The following RPH3A variants were observed in gnomAD, a reference collection of about 807,000 sequenced individuals.
The protein encoded by RPH3A is rabphilin 3A.
In RPH3A, 48 loss-of-function variants were observed where a neutral mutation model predicts 102.2. That is an observed-to-expected ratio of 0.47 (90% CI 0.37 to 0.60). The LOEUF is 0.60. Ranked by LOEUF, RPH3A falls within the 20% of genes least tolerant of loss-of-function variation. The probability of loss-of-function intolerance (pLI) is 0.00; values close to 1 mark genes in which losing one functional copy is unlikely to be tolerated. For synonymous variants in RPH3A, 310 were observed against 324.3 expected (o/e 0.96, Z 0.47); for missense variants, 781 against 910.1 (o/e 0.86, Z 1.83).
intron 1 of RPH3A, among the ~76,000 whole-genome samples, chr12:112,770,247 A>G (rs2040918577): frequency 6.6e-6 from 1 of 152,194 alleles, no homozygotes; most frequent in Admixed American, 6.5e-5. Context: ...TCAGGCAGAC[A>G]CTGAGAAATG....
intron 2 of RPH3A, among the ~76,000 whole-genome samples, chr12:112,806,586 G>A (rs554691335): frequency 2.6e-5 from 4 of 151,892 alleles, no homozygotes; most frequent in South Asian, 2.1e-4. Flanking sequence ...TCGAGATCAC[G>A]CCACTGCACT....
chr12:112,668,427 A>T (rs1241969395), intron 1 of RPH3A, among the ~76,000 whole-genome samples: 1 of 152,206 alleles, frequency 6.6e-6, no homozygotes, highest in African/African-American at 2.4e-5. Context: ...GGCATCAATG[A>T]TAAACTGGGT....
chr12:112,657,192 G>A (rs1345700613), intron 1 of RPH3A, among the ~76,000 whole-genome samples: 11 of 152,070 alleles, frequency 7.2e-5, no homozygotes, highest in Admixed American at 7.2e-4. Context: ...CTGATGATTA[G>A]TGATGTTGAG....
chr12:112,874,926 T>A, intron 10 of RPH3A, 158 bp from the exon 11 acceptor site: 1 of 593,718 alleles, frequency 1.7e-6, no homozygotes, highest in Non-Finnish European at 3.0e-6. Context: ...AAGAACACAC[T>A]GAAGGCAGAA....
chr12:112,840,714 G>A (rs569596728), intron 4 of RPH3A, among the ~76,000 whole-genome samples: 26 of 152,262 alleles, frequency 1.7e-4, no homozygotes, highest in East Asian at 1.9e-4. Flanking sequence ...CAGTAAAGGC[G>A]TGTAGGTTCT....
At chr12:112,683,786 A>G (rs548070731) in intron 1 of RPH3A, among the ~76,000 whole-genome samples, 1 of 152,208 alleles carries the variant, frequency 6.6e-6, no homozygotes, top group African/African-American at 2.4e-5. Context: ...ATCTTGCCAT[A>G]CTGGAGAAAG....
chr12:112,700,868 C>T (rs189286818), intron 1 of RPH3A, among the ~76,000 whole-genome samples: 1 of 152,184 alleles, frequency 6.6e-6, no homozygotes, highest in Non-Finnish European at 1.5e-5. Flanking sequence ...TATCCATTCT[C>T]ATGTCCCAAC....
At chr12:112,808,208 AG>A (rs2041505662) in intron 2 of RPH3A, among the ~76,000 whole-genome samples, 1 of 152,198 alleles carries the variant, frequency 6.6e-6, no homozygotes, top group South Asian at 2.1e-4. Context: ...AGGATGGGGC[AG>A]GGAAGGTGTG....
intron 1 of RPH3A, among the ~76,000 whole-genome samples, chr12:112,614,190 G>C (rs1329212638): frequency 6.6e-6 from 1 of 152,154 alleles, no homozygotes; most frequent in Admixed American, 6.5e-5. Context: ...AACTGTAAGA[G>C]AATAAATTTG....
intron 1 of RPH3A, among the ~76,000 whole-genome samples, chr12:112,705,063 C>G (rs904074291): frequency 2.0e-5 from 3 of 152,156 alleles, no homozygotes; most frequent in Non-Finnish European, 4.4e-5. Context: ...GTGAAACTAT[C>G]TTTTCATTTC....
intron 3 of RPH3A, chr12:112,831,772 G>A (rs1213833313): frequency 2.4e-5 from 11 of 455,680 alleles, no homozygotes; most frequent in Middle Eastern, 3.2e-4. Flanking sequence ...GGACTTTGAA[G>A]GATTGGTTGT....
At chr12:112,819,135 T>C (rs1197503982) in intron 2 of RPH3A, among the ~76,000 whole-genome samples, 1 of 152,066 alleles carries the variant, frequency 6.6e-6, no homozygotes, top group African/African-American at 2.4e-5. Context: ...AGATGGACTC[T>C]CACTCTGTCA....
chr12:112,847,578 T>C (rs371755697), intron 4 of RPH3A, 118 bp from the exon 5 acceptor site: 45 of 1,137,624 alleles, frequency 4.0e-5, no homozygotes, highest in Middle Eastern at 6.1e-4. Flanking sequence ...GAGGAGCAGA[T>C]TGAAGCTCTG....
rs1377286585 is a variant in RPH3A, at chr12:112,741,186, A to G, written c.-139-50957A>G. Among the ~76,000 whole-genome samples the G allele has an allele frequency of 2.0e-5, 3 of 152,206 alleles. No individual in the cohort carries two copies. The East Asian group carries it at 5.8e-4, about 29-fold the overall frequency. On this transcript the variant is annotated intron_variant, in intron 1 of 21. Coordinates refer to the RPH3A transcript ENST00000543106. Reference sequence around the variant, plus strand: ...GCTGAGCTGGACAATGGCTCAAAACAAAACAGAAAACAAGTTAAAATGGAA... The same window carrying G: ...GCTGAGCTGGACAATGGCTCAAAACGAAACAGAAAACAAGTTAAAATGGAA...
In RPH3A at chr12:112,894,521, G is replaced by A. The variant is rs2043148526; in HGVS notation, c.1776-57G>A. The A allele has an allele frequency of 6.0e-6, 9 of 1,507,686 alleles. No homozygotes were observed. The South Asian group carries it at 9.3e-5, about 16-fold the overall frequency. The allele number at this position is 1,507,686 out of a possible 1,614,324, so 93.4% of individuals were successfully genotyped here. On this transcript the variant is annotated intron_variant, in intron 19 of 21. Transcript: ENST00000389385. ...ATAAAGAAGGGGCCTTTGGGGTCAAGAGGCTGTTCTTATTCATTAAACGTC... is the reference window on the plus strand; with the variant it reads ...ATAAAGAAGGGGCCTTTGGGGTCAAAAGGCTGTTCTTATTCATTAAACGTC...
At position 112,875,174 on chromosome 12, in the gene RPH3A, C is replaced by G. The variant is rs969188093; in HGVS notation, c.883+4C>G. The stretch of plus-strand genomic sequence containing the variant: ...CCACCTCAGCCTGGGCAGCCAGGTA[C>G]CTGCCACTCACCTGCTAGCACCTGC... On this transcript the variant is annotated splice_donor_region_variant and intron_variant, in intron 11 of 21. Coordinates refer to ENST00000389385, the MANE Select transcript of RPH3A (RefSeq NM_001143854.2). 1.3e-6 allele frequency: 2 copies of G among 1,596,444 alleles called. No individual in the cohort carries two copies. Among genetic ancestry groups the G allele is most frequent in the African/African-American group, 2.7e-5 (2 of 74,566 alleles).
At chr12:112,702,503 T>C (rs2040400961) in intron 1 of RPH3A, among the ~76,000 whole-genome samples, 1 of 152,210 alleles carries the variant, frequency 6.6e-6, no homozygotes, top group Admixed American at 6.5e-5. Flanking sequence ...ATGAAGACAT[T>C]GATGCTCAGG....
At chr12:112,608,593 A>G (rs1000766358) in intron 1 of RPH3A, among the ~76,000 whole-genome samples, 2 of 152,280 alleles carry the variant, frequency 1.3e-5, no homozygotes, top group African/African-American at 2.4e-5. Flanking sequence ...ATATTTGGGG[A>G]AACTGGCTTT....
intron 1 of RPH3A, among the ~76,000 whole-genome samples, chr12:112,598,064 G>T: frequency 6.6e-6 from 1 of 152,188 alleles, no homozygotes; most frequent in Non-Finnish European, 1.5e-5. Context: ...TTATTTGGTG[G>T]GTAATTCCAT....
Sources: allele counts gnomAD v4.1 joint callset (sites outside exome capture counted in the v4.1 genomes callset), GRCh38; gene constraint gnomAD v4.1.1; transcripts MANE v1.5; gene names NCBI Gene and HGNC (gene_info 2026-07-23, HGNC 2026-07-21).